XPO4: variants seen among roughly 807,000 people sequenced by gnomAD.
XPO4 encodes exportin 4.
A neutral mutation model predicts 143.0 loss-of-function variants in XPO4; 39 were observed. The observed-to-expected ratio is 0.27, with a 90% CI of 0.21 to 0.36. The LOEUF is 0.36. XPO4 is among the 10% of genes least tolerant of loss of function. XPO4 has a pLI of 1.00. For synonymous variants in XPO4, 439 were observed against 474.0 expected (o/e 0.93, Z 0.96); for missense variants, 907 against 1,348.0 (o/e 0.67, Z 5.12).
Position 20,778,678 on chromosome 13 carries a change from CAGA to C in XPO4, c.*5041_*5043del, listed in dbSNP as rs1467954503. The C allele has an allele frequency of 2.6e-5, 4 of 152,104 alleles. No individual in the cohort carries two copies. Among genetic ancestry groups the C allele is most frequent in the African/African-American group, 9.7e-5 (4 of 41,424 alleles). 9.4% of individuals were successfully genotyped at this position (152,104 alleles called of 1,614,324 possible). The stretch of plus-strand genomic sequence containing the variant: ...ATTCTGTGAGTACCACGGGTTCTCC[CAGA>C]AGGTGATGCAAATCTTGATTTTTAT... On this transcript the variant is annotated 3_prime_UTR_variant, in exon 23 of 23. Coordinates refer to ENST00000255305, the MANE Select transcript of XPO4 (RefSeq NM_022459.5).
At chr13:20,784,388 G>T (rs1189954475) in intron 22 of XPO4, among the ~76,000 whole-genome samples, 2 of 152,220 alleles carry the variant, frequency 1.3e-5, no homozygotes, top group African/African-American at 4.8e-5. Flanking sequence ...ACAAAGACAG[G>T]ACAGGCAGGA....
intron 9 of XPO4, among the ~76,000 whole-genome samples, chr13:20,820,920 A>G (rs11838998): frequency 0.013 from 1,937 of 152,340 alleles, 50 homozygotes; most frequent in African/African-American, 0.045. Context: ...CCTTTCAGAA[A>G]GATTCACATT....
intron 4 of XPO4, chr13:20,850,963 T>C (rs1478879774): frequency 1.0e-6 from 1 of 985,276 alleles, no homozygotes; most frequent in East Asian, 1.1e-4. Context: ...TAGTTAATTT[T>C]TTCTACTTTT....
At chr13:20,866,512 AG>A in intron 2 of XPO4, 1 of 457,514 alleles carries the variant, frequency 2.2e-6, no homozygotes, top group Non-Finnish European at 2.9e-6. Flanking sequence ...TTGTATGAGA[AG>A]TCTTCTTAGA....
Position 20,800,160 on chromosome 13 carries a change from C to G in XPO4, c.2143G>C (p.Glu715Gln), listed in dbSNP as rs545048472. Reference protein sequence around the residue: ...QLLVTLVERRERANLVIQCEN... With the variant: ...QLLVTLVERRQRANLVIQCEN... ...AGCCTCCAACAATGGGCTAACCTTTCTCTTCTTTCCACCAAAGTGACAAGG... is the reference window on the plus strand; with the variant it reads ...AGCCTCCAACAATGGGCTAACCTTTGTCTTCTTTCCACCAAAGTGACAAGG... The change falls in exon 15 of 23, where the codon GAA (glutamate) becomes CAA (glutamine). Residue 715 changes from glutamate to glutamine, a missense_variant. Transcript: ENST00000255305. The G allele has an allele frequency of 1.2e-6, 2 of 1,614,102 alleles. No homozygotes were observed. The highest frequency in any genetic ancestry group is 1.1e-5 in the South Asian group (1 of 91,064).
chr13:20,876,523 A>G (rs955582286), intron 1 of XPO4, among the ~76,000 whole-genome samples: 3 of 152,200 alleles, frequency 2.0e-5, no homozygotes, highest in African/African-American at 7.2e-5. Context: ...CTCATATTGT[A>G]CATAATAATA....
At chr13:20,836,423 T>G (rs2059917973) in intron 6 of XPO4, among the ~76,000 whole-genome samples, 1 of 152,200 alleles carries the variant, frequency 6.6e-6, no homozygotes, top group Non-Finnish European at 1.5e-5. Context: ...CCACTTGTCT[T>G]AATTGGCTTT....
chr13:20,832,876 T>C (rs1031144991), intron 6 of XPO4, among the ~76,000 whole-genome samples: 2 of 152,086 alleles, frequency 1.3e-5, no homozygotes, highest in Non-Finnish European at 2.9e-5. Context: ...ATCCCATTAC[T>C]TACTCTATAA....
chr13:20,843,676 C>G, intron 5 of XPO4, 94 bp downstream of exon 5: 1 of 880,548 alleles, frequency 1.1e-6, no homozygotes, highest in Non-Finnish European at 1.8e-6. Context: ...TACCATTCAA[C>G]TACATAAAAT....
intron 1 of XPO4, among the ~76,000 whole-genome samples, chr13:20,872,520 A>T (rs1566619159): frequency 6.6e-6 from 1 of 152,202 alleles, no homozygotes; most frequent in Non-Finnish European, 1.5e-5. Context: ...ACATTTATTG[A>T]GCATTTAGGA....
chr13:20,889,207 C>T (rs992714426), intron 1 of XPO4, among the ~76,000 whole-genome samples: 2 of 152,142 alleles, frequency 1.3e-5, no homozygotes, highest in African/African-American at 2.4e-5. Flanking sequence ...CTCAGATATA[C>T]TAGGGATATT....
At chr13:20,812,339 T>C (rs542436167) in intron 9 of XPO4, among the ~76,000 whole-genome samples, 4 of 152,216 alleles carry the variant, frequency 2.6e-5, no homozygotes, top group African/African-American at 9.6e-5. Flanking sequence ...AACTACAGTA[T>C]GGCAGATCAT....
At chr13:20,784,306 C>A (rs1448368802) in intron 22 of XPO4, among the ~76,000 whole-genome samples, 3 of 152,206 alleles carry the variant, frequency 2.0e-5, no homozygotes, top group Non-Finnish European at 4.4e-5. Context: ...GACACATAAT[C>A]TAAGTCTGCA....
rs181204844 is a variant in XPO4, at chr13:20,819,642, A to G, written c.1173+2062T>C. On this transcript the variant is annotated intron_variant, in intron 9 of 22. Transcript: ENST00000255305. ...GCCATCGCAGTCCAGCCTGGGCGAC[A>G]GAGCGAGACTCCATCTCAAAAAAAA... Among the ~76,000 whole-genome samples, 354 of 152,196 alleles carry G rather than the reference A, an allele frequency of 2.3e-3. 1 individual carries two copies. Among genetic ancestry groups the G allele is most frequent in the African/African-American group, 7.6e-3 (315 of 41,538 alleles).
chr13:20,887,219 T>C (rs1438699971), intron 1 of XPO4, among the ~76,000 whole-genome samples: 5 of 152,186 alleles, frequency 3.3e-5, no homozygotes, highest in Non-Finnish European at 7.3e-5. Context: ...ATCATAAATA[T>C]GCCAATAGCA....
At chr13:20,817,603 T>C (rs1338793617) in intron 9 of XPO4, among the ~76,000 whole-genome samples, 1 of 152,198 alleles carries the variant, frequency 6.6e-6, no homozygotes, top group Non-Finnish European at 1.5e-5. Flanking sequence ...TCTGTTCCTG[T>C]AGCAACATAC....
chr13:20,813,021 G>C (rs1205711301), intron 9 of XPO4, among the ~76,000 whole-genome samples: 1 of 152,184 alleles, frequency 6.6e-6, no homozygotes. Flanking sequence ...GGCTTAACAG[G>C]AAGGATGACT....
Position 20,779,256 on chromosome 13 carries a change from T to TA in XPO4, c.*4465dup, listed in dbSNP as rs1317621768. On this transcript the variant is annotated 3_prime_UTR_variant, in exon 23 of 23. Transcript: ENST00000255305. Reference sequence around the variant, plus strand: ...CATAGAGCTTCTTTCTTTGTACAGATAATCAAATCACAATACCAACATTTG... The same window carrying TA: ...CATAGAGCTTCTTTCTTTGTACAGATAAATCAAATCACAATACCAACATTTG... 6.6e-6 allele frequency: 1 copy of TA among 152,652 alleles called. No individual in the cohort carries two copies. Among genetic ancestry groups the TA allele is most frequent in the Non-Finnish European group, 1.5e-5 (1 of 68,044 alleles). 9.5% of individuals were successfully genotyped at this position (152,652 alleles called of 1,614,324 possible). A position where few individuals can be genotyped will look rare whatever the true frequency, so the allele number is the denominator to read the frequency against.
At chr13:20,860,491 G>T (rs1192911200) in intron 3 of XPO4, among the ~76,000 whole-genome samples, 2 of 152,124 alleles carry the variant, frequency 1.3e-5, no homozygotes. Flanking sequence ...CTCTTCCATG[G>T]TTGCAATTGA....
Sources: allele counts gnomAD v4.1 joint callset (sites outside exome capture counted in the v4.1 genomes callset), GRCh38; gene constraint gnomAD v4.1.1; transcripts MANE v1.5; gene names NCBI Gene and HGNC (gene_info 2026-07-23, HGNC 2026-07-21).